Variants in SYNM observed in about 807,000 individuals in gnomAD.
SYNM encodes synemin, also known as desmuslin.
A neutral mutation model predicts 104.0 loss-of-function variants in SYNM; 95 were observed. The observed-to-expected ratio is 0.91, with a 90% CI of 0.77 to 1.08. The LOEUF (loss-of-function observed/expected upper bound fraction) is 1.08. SYNM is among the 50% of genes least tolerant of loss of function. The pLI is 0.00. For missense variants in SYNM, 2,150 were observed against 2,052.2 expected (o/e 1.05, Z -0.92); for synonymous variants, 918 against 869.0 (o/e 1.06, Z -0.99).
At chr15:99,139,369 G>C, downstream of SYNM, 1 of 1,614,054 alleles carries the variant, frequency 6.2e-7, no homozygotes, top group Non-Finnish European at 8.5e-7. Flanking sequence ...TTGTCCTGCG[G>C]TCCATATAAG....
Position 99,130,053 on chromosome 15 carries a change from G to A in SYNM, c.1693G>A (p.Asp565Asn), listed in dbSNP as rs782377076. The A allele has an allele frequency of 1.2e-6, 2 of 1,613,904 alleles. No homozygotes were observed. The highest frequency in any genetic ancestry group is 1.3e-5 in the African/African-American group (1 of 75,050). The change falls in exon 4 of 4, where the codon GAC (aspartate) becomes AAC (asparagine). Residue 565 changes from aspartate to asparagine, a missense_variant. Physicochemically the swap from Asp to Asn is conservative, Grantham distance 23 (BLOSUM62 1). Transcript: ENST00000336292. ...GATGAAGGAGAAGGCTAAGGAGAAGGACTCACCGAAGGAGAAGAGCGTGCG... is the reference window on the plus strand; with the variant it reads ...GATGAAGGAGAAGGCTAAGGAGAAGAACTCACCGAAGGAGAAGAGCGTGCG... The part of the protein sequence containing the change: ...QQMKEKAKEK[D>N]SPKEKSVRER...
chr15:99,117,624 T>C (rs1349865920), intron 2 of SYNM, among the ~76,000 whole-genome samples: 1 of 152,228 alleles, frequency 6.6e-6, no homozygotes, highest in Non-Finnish European at 1.5e-5. Context: ...ATTTTGTGCC[T>C]TGCCTTTGGA....
At chr15:99,138,159 G>A (rs782180366), downstream of SYNM, 2 of 1,609,160 alleles carry the variant, frequency 1.2e-6, no homozygotes, top group East Asian at 4.5e-5. Context: ...GGTGAGTGTG[G>A]TGCCCCTCAG....
intron 1 of SYNM, among the ~76,000 whole-genome samples, chr15:99,113,189 T>A (rs962717751): frequency 1.1e-4 from 17 of 152,220 alleles, no homozygotes; most frequent in African/African-American, 4.1e-4. Flanking sequence ...CTGAGTGACT[T>A]ATGTTTTGAA....
intron 2 of SYNM, among the ~76,000 whole-genome samples, chr15:99,120,921 C>A (rs1555484462): frequency 6.6e-6 from 1 of 152,078 alleles, no homozygotes; most frequent in Non-Finnish European, 1.5e-5. Flanking sequence ...AATGCACATT[C>A]CTAGGGGGTA....
Position 99,113,679 on chromosome 15 carries a change from TGAAGA to T in SYNM, c.900_904del (p.Lys301ArgfsTer18). 1 of 1,613,486 alleles carries T rather than the reference TGAAGA, an allele frequency of 6.2e-7. No homozygotes were observed. The highest frequency in any genetic ancestry group is 1.1e-5 in the South Asian group (1 of 90,952). On this transcript the variant is annotated frameshift_variant, in exon 2 of 4. Transcript: ENST00000336292. LOFTEE classifies it high-confidence loss of function. Reference sequence around the variant, plus strand: ...CGGGACTATCAGGACCTCCTGCAGGTGAAGACCGGCCTCAGTCTGGAGGTGGCGAC... The same window carrying T: ...CGGGACTATCAGGACCTCCTGCAGGTCCGGCCTCAGTCTGGAGGTGGCGAC...
Position 99,115,287 on chromosome 15 carries a change from A to C in SYNM, c.935+1572A>C, listed in dbSNP as rs140439954. Among the ~76,000 whole-genome samples the C allele has an allele frequency of 4.1e-3, 628 of 152,288 alleles. 6 individuals carry two copies. The highest frequency in any genetic ancestry group is 0.014 in the African/African-American group (602 of 41,558). On this transcript the variant is annotated intron_variant, in intron 2 of 3. Transcript: ENST00000336292. ...CAGTGGTGTCTCCTTCACAGGTGGC[A>C]GATTAAACCTGGAGAGGTTAAGAAG...
rs767930656 is a variant in SYNM at position 99,105,941 on chromosome 15, C to T, written c.742C>T (p.Arg248Cys). The change falls in exon 1 of 4, where the codon CGC (arginine) becomes TGC (cysteine). Residue 248 changes from arginine to cysteine, a missense_variant. By Grantham distance (180) the Arg-to-Cys change is radical. Transcript: ENST00000336292. ...RREALGLEQL[R>C]ARLEDALLRM... ...CGAGGCGCTCGGGTTGGAGCAGCTG[C>T]GCGCGCGGCTGGAGGACGCGCTGCT... 163 of 1,523,860 alleles carry T rather than the reference C, an allele frequency of 1.1e-4. No homozygotes were observed. Among genetic ancestry groups the T allele is most frequent in the Non-Finnish European group, 1.2e-4 (142 of 1,141,316 alleles). The allele number at this position is 1,523,860 out of a possible 1,614,324, so 94.4% of individuals were successfully genotyped here. A position where few individuals can be genotyped will look rare whatever the true frequency, so the allele number is the denominator to read the frequency against.
In SYNM at chr15:99,132,136, A is replaced by G. The variant is rs1555486050; in HGVS notation, c.3776A>G (p.Gln1259Arg). ...YFATEESVGT[Q>R]TSVRQLQLGP... ...GCAACAGAAGAGTCAGTGGGTACCCAGACTTCTGTCAGGCAACTCCAGTTA... is the reference window on the plus strand; with the variant it reads ...GCAACAGAAGAGTCAGTGGGTACCCGGACTTCTGTCAGGCAACTCCAGTTA... Residue 1259 changes from glutamine (Q) to arginine (R), a missense_variant, in exon 4 of 4, where the codon CAG becomes CGG. Transcript: ENST00000336292. 1 of 1,614,034 alleles carries G rather than the reference A, an allele frequency of 6.2e-7. No homozygotes were observed. The highest frequency in any genetic ancestry group is 1.7e-5 in the Admixed American group (1 of 60,032).
In SYNM at chr15:99,129,823, G is replaced by A. The variant is rs782783110; in HGVS notation, c.1463G>A (p.Arg488Gln). The part of the protein sequence containing the change: ...KVAAGASEST[R>Q]SNERTVILGK... ...GCAGCAGGTGCTTCGGAAAGCACACGGTCAAATGAGAGGACCGTCATTCTG... is the reference window on the plus strand; with the variant it reads ...GCAGCAGGTGCTTCGGAAAGCACACAGTCAAATGAGAGGACCGTCATTCTG... The change falls in exon 4 of 4, where the codon CGG becomes CAG. Residue 488 changes from arginine (R) to glutamine (Q), a missense_variant. Transcript: ENST00000336292. The A allele has an allele frequency of 6.2e-6, 10 of 1,613,606 alleles. No individual in the cohort carries two copies. Among genetic ancestry groups the A allele is most frequent in the Non-Finnish European group, 7.6e-6 (9 of 1,179,828 alleles).
At position 99,131,601 on chromosome 15, in the gene SYNM, G is replaced by A. The variant is rs115301553; in HGVS notation, c.3241G>A (p.Glu1081Lys). 5,739 of 1,610,304 alleles carry A rather than the reference G, an allele frequency of 3.6e-3. 172 individuals carry two copies. The African/African-American group carries it at 0.064, about 18-fold the overall frequency. The change falls in exon 4 of 4, where the codon GAG becomes AAG. Residue 1081 changes from glutamate to lysine, a missense_variant. Glu to Lys is a moderately conservative substitution (Grantham distance 56). Transcript: ENST00000336292. This position sits in a 1 kb window ranked among gnomAD's most constrained non-coding sequence, Gnocchi z 4.3. The stretch of plus-strand genomic sequence containing the variant: ...GCTGTACATCCCTTCAGGCGAGAGC[G>A]AGGTTGCTGGTGGGGCCTCTCACAG... ...RELYIPSGES[E>K]VAGGASHSSG...
At chr15:99,139,101 T>C (rs2067905987), downstream of SYNM, 3 of 669,536 alleles carry the variant, frequency 4.5e-6, no homozygotes, top group Admixed American at 6.5e-5. Flanking sequence ...ATCCAGCATA[T>C]ATTTCTGACT....
chr15:99,115,467 CTAT>C (rs1314934126), intron 2 of SYNM, among the ~76,000 whole-genome samples: 19 of 99,142 alleles, frequency 1.9e-4, no homozygotes, highest in Admixed American at 1.9e-3. Flanking sequence ...TTATTTTATT[CTAT>C]TTTTTTTTTT....
At chr15:99,139,942 T>G (rs2068034178), downstream of SYNM, 4 of 340,846 alleles carry the variant, frequency 1.2e-5, no homozygotes, top group South Asian at 1.1e-4. Context: ...TGCCATTTGA[T>G]TGCTTGTAGT....
chr15:99,132,719 A>G lies in SYNM; in HGVS notation c.4359A>G (p.Pro1453=), dbSNP rs1026428873. The change falls in exon 4 of 4, where the codon CCA becomes CCG. Residue 1453 remains proline, a synonymous_variant. Coordinates refer to ENST00000336292, the MANE Select transcript of SYNM (RefSeq NM_145728.3). ...GCAGAACGCTAAGGCACATTGCACCAGGGCCCAAAGAAACTTCGTTTACCT... is the reference window on the plus strand; with the variant it reads ...GCAGAACGCTAAGGCACATTGCACCGGGGCCCAAAGAAACTTCGTTTACCT... The part of the protein sequence containing the change: ...DSSRTLRHIA[P]GPKETSFTFQ... 6.8e-6 allele frequency: 11 copies of G among 1,610,288 alleles called. No homozygotes were observed. Among genetic ancestry groups the G allele is most frequent in the Middle Eastern group, 3.3e-4 (2 of 6,050 alleles).
Position 99,129,948 on chromosome 15 carries a change from A to G in SYNM, c.1588A>G (p.Lys530Glu). 6.2e-7 allele frequency: 1 copy of G among 1,612,038 alleles called. No homozygotes were observed. The highest frequency in any genetic ancestry group is 8.5e-7 in the Non-Finnish European group (1 of 1,178,862). ...AGAGAAAATGTTCGATTCTAAAGAG[A>G]AGGCTTCCGAGGAGAGAAACCTAAG... ...PEEKMFDSKE[K>E]ASEERNLRWE... The change falls in exon 4 of 4, where the codon AAG becomes GAG. Residue 530 changes from lysine to glutamate, a missense_variant. Lys to Glu is a moderately conservative substitution (Grantham distance 56). Coordinates refer to ENST00000336292, the MANE Select transcript of SYNM (RefSeq NM_145728.3).
rs1567285758 is a variant in SYNM at position 99,132,671 on chromosome 15, G to A, written c.4311G>A (p.Glu1437=). Residue 1437 remains glutamate (E), a synonymous_variant, in exon 4 of 4, where the codon GAG becomes GAA. Transcript: ENST00000336292. ...FVLAGSADSP[E]LGKLADSSRT... is the part of the protein sequence containing the mutation. ...TTGCTGGTTCAGCGGACTCCCCTGAGCTAGGCAAGTTAGCAGACAGCAGCA... is the reference window on the plus strand; with the variant it reads ...TTGCTGGTTCAGCGGACTCCCCTGAACTAGGCAAGTTAGCAGACAGCAGCA... 2 of 1,613,932 alleles carry A rather than the reference G, an allele frequency of 1.2e-6. No individual in the cohort carries two copies. The highest frequency in any genetic ancestry group is 2.2e-5 in the East Asian group (1 of 44,904).
chr15:99,135,799 A>G (rs906009032), downstream of SYNM, among the ~76,000 whole-genome samples: 1 of 152,264 alleles, frequency 6.6e-6, no homozygotes, highest in Non-Finnish European at 1.5e-5. Flanking sequence ...CCTGGCAGAC[A>G]GAGCATAAGC....
At chr15:99,120,381 C>CT (rs1380000112) in intron 2 of SYNM, among the ~76,000 whole-genome samples, 6 of 152,150 alleles carry the variant, frequency 3.9e-5, no homozygotes, top group Admixed American at 6.5e-5. Context: ...CTGGAAATGA[C>CT]TTTTTGGAAA....
Sources: gnomAD v4.1 joint callset for allele counts (sites outside exome capture counted in the v4.1 genomes callset) on GRCh38, gnomAD v4.1.1 for gene constraint, Gnocchi (gnomAD v3.1) non-coding constraint, MANE v1.5 for transcripts, NCBI Gene and HGNC (gene_info 2026-07-23, HGNC 2026-07-21) for gene names.